Variants in PCCB observed in about 807,000 individuals in gnomAD.
The protein encoded by PCCB is propionyl-CoA carboxylase subunit beta, also known as propionyl-CoA carboxylase beta chain, mitochondrial.
A neutral mutation model predicts 60.7 loss-of-function variants in PCCB; 43 were observed. That is an observed-to-expected ratio of 0.71 (90% CI 0.55 to 0.91). The LOEUF (loss-of-function observed/expected upper bound fraction) is 0.91. PCCB is among the 40% of genes least tolerant of loss of function. PCCB has a pLI of 0.00. For missense variants in PCCB, 766 were observed against 702.8 expected (o/e 1.09, Z -1.02); for synonymous variants, 276 against 255.9 (o/e 1.08, Z -0.75).
chr3:136,319,386 A>ATT (rs796339351), intron 10 of PCCB, among the ~76,000 whole-genome samples: 2,010 of 138,272 alleles, frequency 0.015, 47 homozygotes, highest in East Asian at 0.045. Flanking sequence ...TTGATACACA[A>ATT]TTTTTTTTTT....
chr3:136,293,708 C>A, intron 6 of PCCB, 48 bp from the exon 7 acceptor site: 1 of 1,165,310 alleles, frequency 8.6e-7, no homozygotes, highest in South Asian at 1.2e-5. Flanking sequence ...AGGCTGTGAC[C>A]AGCTCTGGTG....
In PCCB at chr3:136,298,036, A is replaced by G; in HGVS notation, c.848A>G (p.Gln283Arg). The change falls in exon 8 of 15, where the codon CAG becomes CGG. Residue 283 changes from glutamine (Q) to arginine (R), a missense_variant. Physicochemically the swap from Gln to Arg is conservative, Grantham distance 43. Transcript: ENST00000251654. ...DFFNYLPLSS[Q>R]DPAPVRECHD... ...TTCAACTACCTGCCCCTGAGCAGTCAGGACCCGGCTCCCGTCCGTGAGTGC... is the reference window on the plus strand; with the variant it reads ...TTCAACTACCTGCCCCTGAGCAGTCGGGACCCGGCTCCCGTCCGTGAGTGC... The G allele has an allele frequency of 6.2e-7, 1 of 1,614,168 alleles. No individual in the cohort carries two copies. Among genetic ancestry groups the G allele is most frequent in the Non-Finnish European group, 8.5e-7 (1 of 1,180,014 alleles).
At chr3:136,279,896 G>C (rs967146976) in intron 5 of PCCB, among the ~76,000 whole-genome samples, 2 of 152,126 alleles carry the variant, frequency 1.3e-5, no homozygotes, top group Non-Finnish European at 2.9e-5. Flanking sequence ...TCGATCTCCT[G>C]ACCTCGTGAT....
chr3:136,281,812 C>CT (rs1942482990), intron 5 of PCCB, among the ~76,000 whole-genome samples: 1 of 152,260 alleles, frequency 6.6e-6, no homozygotes, highest in East Asian at 1.9e-4. Flanking sequence ...TCTGTTTGAA[C>CT]TTTTGCAAGC....
At chr3:136,303,571 G>A (rs13071533) in intron 9 of PCCB, among the ~76,000 whole-genome samples, 2,050 of 121,606 alleles carry the variant, frequency 0.017, 605 homozygotes, top group Non-Finnish European at 0.026. Flanking sequence ...TTTTGGTATC[G>A]ATGTTGTATT....
At chr3:136,272,190 C>T (rs1040802952) in intron 5 of PCCB, among the ~76,000 whole-genome samples, 2 of 152,108 alleles carry the variant, frequency 1.3e-5, no homozygotes, top group Non-Finnish European at 2.9e-5. Context: ...TAAACCATCC[C>T]TGCATCTCTG....
At position 136,276,451 on chromosome 3, in the gene PCCB, G is replaced by A. The variant is rs368970206; in HGVS notation, c.544-7386G>A. On this transcript the variant is annotated intron_variant, in intron 5 of 14. Transcript: ENST00000251654. ...GGAAAGCTATTCACCTCCCAGACTC[G>A]CTCCTGCCCTAGTGTTCCAGCTATT... Among the ~76,000 whole-genome samples the A allele has an allele frequency of 6.6e-5, 10 of 152,248 alleles. No individual in the cohort carries two copies. In the East Asian group the frequency reaches 1.2e-3, roughly 18 times the overall value.
At chr3:136,328,655 T>C (rs1348449263) in intron 13 of PCCB, 103 bp from the exon 14 acceptor site, 4 of 905,284 alleles carry the variant, frequency 4.4e-6, no homozygotes, top group Non-Finnish European at 7.3e-6. Context: ...CTCAGTACAC[T>C]GATTTACCAA....
At chr3:136,315,379 A>G (rs1317914616) in intron 9 of PCCB, among the ~76,000 whole-genome samples, 1 of 152,088 alleles carries the variant, frequency 6.6e-6, no homozygotes, top group African/African-American at 2.4e-5. Flanking sequence ...AAATACAAAA[A>G]AATTAGCTGG....
At chr3:136,286,098 G>T (rs1489772617) in intron 6 of PCCB, among the ~76,000 whole-genome samples, 1 of 152,200 alleles carries the variant, frequency 6.6e-6, no homozygotes, top group African/African-American at 2.4e-5. Context: ...TGAAGAACTT[G>T]TAGGTAAATG....
At chr3:136,323,079 T>C (rs7622833) in intron 10 of PCCB, among the ~76,000 whole-genome samples, 55,893 of 150,866 alleles carry the variant, frequency 0.37, 11,454 homozygotes, top group African/African-American at 0.55. Context: ...CAGTGTGGGT[T>C]TCTGAATGTA....
At chr3:136,267,956 T>G (rs1942052042) in intron 5 of PCCB, among the ~76,000 whole-genome samples, 1 of 146,614 alleles carries the variant, frequency 6.8e-6, no homozygotes, top group Admixed American at 6.8e-5. Context: ...TTTTTTTTTT[T>G]TTTTTTTGAG....
chr3:136,324,023 T>C (rs536748339), intron 10 of PCCB, among the ~76,000 whole-genome samples: 115 of 151,720 alleles, frequency 7.6e-4, no homozygotes, highest in African/African-American at 2.3e-3. Flanking sequence ...TAATGTCATA[T>C]ATGTTTGCCT....
chr3:136,284,350 A>G (rs1933255993), intron 6 of PCCB, among the ~76,000 whole-genome samples: 1 of 152,124 alleles, frequency 6.6e-6, no homozygotes, highest in Non-Finnish European at 1.5e-5. Context: ...CCATTTTATT[A>G]CATTGTGTCC....
chr3:136,310,130 G>A (rs1478454812), intron 9 of PCCB, among the ~76,000 whole-genome samples: 1 of 152,070 alleles, frequency 6.6e-6, no homozygotes, highest in South Asian at 2.1e-4. Context: ...TTGGGAGGCC[G>A]AGGTGGGCGG....
At chr3:136,262,102 G>T in intron 5 of PCCB, 37 bp downstream of exon 5, 1 of 1,326,592 alleles carries the variant, frequency 7.5e-7, no homozygotes, top group Non-Finnish European at 1.1e-6. Flanking sequence ...AAAAATACAG[G>T]GCTTAAGTTC....
chr3:136,282,277 C>T (rs1260655393), intron 5 of PCCB, among the ~76,000 whole-genome samples: 3 of 152,202 alleles, frequency 2.0e-5, no homozygotes, highest in Non-Finnish European at 4.4e-5. Flanking sequence ...CTCCTCTGGG[C>T]CCTGAAGTGT....
intron 4 of PCCB, among the ~76,000 whole-genome samples, chr3:136,261,515 T>G (rs2108145938): frequency 6.6e-6 from 1 of 152,296 alleles, no homozygotes; most frequent in East Asian, 1.9e-4. Context: ...TCTGTCACAT[T>G]AGAAGTAAAA....
chr3:136,288,369 G>A (rs567465388), intron 6 of PCCB, among the ~76,000 whole-genome samples: 19 of 151,046 alleles, frequency 1.3e-4, no homozygotes, highest in Non-Finnish European at 2.5e-4. Context: ...TTTTTGAGAC[G>A]GAGTCTCCCC....
Sources: allele counts gnomAD v4.1 joint callset (sites outside exome capture counted in the v4.1 genomes callset), GRCh38; gene constraint gnomAD v4.1.1; transcripts MANE v1.5; gene names NCBI Gene and HGNC (gene_info 2026-07-23, HGNC 2026-07-21).